SNX30: variants seen among roughly 807,000 people sequenced by gnomAD.
SNX30 encodes the protein sorting nexin-30.
In SNX30, 24 loss-of-function variants were observed where a neutral mutation model predicts 46.4. The observed-to-expected ratio is 0.52, with a 90% CI of 0.37 to 0.73. The LOEUF (loss-of-function observed/expected upper bound fraction) is 0.73, where lower values mean the gene tolerates loss of function less well. Ranked by LOEUF, SNX30 falls within the 30% of genes least tolerant of loss-of-function variation. The pLI is 0.00. For synonymous variants in SNX30, 189 were observed against 211.5 expected, an observed-to-expected ratio of 0.89 and a Z score of 0.92; for missense variants, 533 against 555.7, an observed-to-expected ratio of 0.96 and a Z score of 0.41.
chr9:112,830,016 A>G (rs528593520), intron 3 of SNX30, among the ~76,000 whole-genome samples: 138 of 152,322 alleles, frequency 9.1e-4, no homozygotes, highest in African/African-American at 2.8e-3. Flanking sequence ...GGTAGTAATA[A>G]TGAAGAAGGC....
chr9:112,766,065 G>T (rs111658462), intron 1 of SNX30, among the ~76,000 whole-genome samples: 3 of 152,268 alleles, frequency 2.0e-5, no homozygotes, highest in African/African-American at 7.2e-5. Flanking sequence ...GCCTCCCAAA[G>T]TGCTGGGATT....
chr9:112,777,459 C>T (rs1203610665), intron 1 of SNX30, among the ~76,000 whole-genome samples: 1 of 151,934 alleles, frequency 6.6e-6, no homozygotes, highest in African/African-American at 2.4e-5. Flanking sequence ...CAGAGTCTTG[C>T]TCTGTTGCTC....
At chr9:112,786,340 C>T (rs140309650) in intron 1 of SNX30, among the ~76,000 whole-genome samples, 2,398 of 152,040 alleles carry the variant, frequency 0.016, 71 homozygotes, top group African/African-American at 0.055. Context: ...AGGCTGGTCT[C>T]GAACTCCTGG....
At chr9:112,850,549 T>A (rs9299212) in intron 6 of SNX30, among the ~76,000 whole-genome samples, 17 of 152,168 alleles carry the variant, frequency 1.1e-4, no homozygotes, top group Admixed American at 3.3e-4. Flanking sequence ...CGGAGAGTCC[T>A]CCCAGCAGCG....
chr9:112,884,599 C>G (rs1448376832), downstream of SNX30, among the ~76,000 whole-genome samples: 1 of 152,196 alleles, frequency 6.6e-6, no homozygotes, highest in Non-Finnish European at 1.5e-5. Flanking sequence ...GTCAGAATCT[C>G]TGGTGGGTGG....
intron 5 of SNX30, chr9:112,880,499 C>A: frequency 6.5e-6 from 1 of 154,356 alleles, no homozygotes; most frequent in Middle Eastern, 5.6e-4. Flanking sequence ...TCTCCCTGTC[C>A]CATGATTTCA....
At chr9:112,774,412 G>T (rs1424005290) in intron 1 of SNX30, among the ~76,000 whole-genome samples, 1 of 152,208 alleles carries the variant, frequency 6.6e-6, no homozygotes, top group East Asian at 1.9e-4. Flanking sequence ...AAAAAGGATT[G>T]CAAGGAGGAC....
At chr9:112,817,399 GGCTTTTTTT>G in intron 2 of SNX30, among the ~76,000 whole-genome samples, 1 of 46,910 alleles carries the variant, frequency 2.1e-5, no homozygotes, top group African/African-American at 1.4e-4. Flanking sequence ...AAAAAAAACT[GGCTTTTTTT>G]TTTTTTTTTT....
chr9:112,749,992 G>A (rs1839238844), upstream of SNX30, among the ~76,000 whole-genome samples: 1 of 152,220 alleles, frequency 6.6e-6, no homozygotes, highest in Non-Finnish European at 1.5e-5. Flanking sequence ...TTGACTATTT[G>A]CACCACGCCA....
Position 112,830,332 on chromosome 9 carries a change from A to G in SNX30, c.460-393A>G, listed in dbSNP as rs1051394717. On this transcript the variant is annotated intron_variant, in intron 3 of 8. Coordinates refer to ENST00000374232, the MANE Select transcript of SNX30 (RefSeq NM_001012994.2). The stretch of plus-strand genomic sequence containing the variant: ...GCAGAATCTTAAAATATTTAAATAA[A>G]TTTTTATGTGGTTGATGCCTGCCTG... 1.7e-4 allele frequency among the ~76,000 whole-genome samples: 26 copies of G among 151,848 alleles called. 1 individual carries two copies. The highest frequency in any genetic ancestry group is 4.8e-4 in the African/African-American group (20 of 41,334).
At chr9:112,795,765 T>TCTCTCACACACA (rs34877094) in intron 1 of SNX30, among the ~76,000 whole-genome samples, 7 of 123,222 alleles carry the variant, frequency 5.7e-5, no homozygotes, top group South Asian at 2.9e-4. Flanking sequence ...CACAGTACAG[T>TCTCTCACACACA]CACACACACA....
chr9:112,790,816 T>C (rs1323603717), intron 1 of SNX30, among the ~76,000 whole-genome samples: 1 of 152,222 alleles, frequency 6.6e-6, no homozygotes, highest in Non-Finnish European at 1.5e-5. Context: ...CTCCCTATTA[T>C]GTATATTACA....
intron 1 of SNX30, among the ~76,000 whole-genome samples, chr9:112,788,607 A>G (rs1402746244): frequency 6.6e-6 from 1 of 152,172 alleles, no homozygotes; most frequent in African/African-American, 2.4e-5. Flanking sequence ...TGTTACGTAT[A>G]AGACTTTTCC....
chr9:112,781,496 A>G (rs993359469), intron 1 of SNX30, among the ~76,000 whole-genome samples: 1 of 152,216 alleles, frequency 6.6e-6, no homozygotes, highest in East Asian at 1.9e-4. Context: ...AAGCCTTTCC[A>G]ACCACAGGAT....
chr9:112,811,116 C>T (rs1840312059), intron 2 of SNX30, among the ~76,000 whole-genome samples: 2 of 152,156 alleles, frequency 1.3e-5, no homozygotes, highest in South Asian at 4.2e-4. Context: ...CTGAGAGGAA[C>T]GAGATAAGTG....
intron 6 of SNX30, among the ~76,000 whole-genome samples, chr9:112,839,871 G>A (rs372346925): frequency 7.2e-5 from 11 of 152,260 alleles, no homozygotes; most frequent in African/African-American, 1.9e-4. Flanking sequence ...CAGAAAGATC[G>A]TAGATCCAGG....
intron 6 of SNX30, among the ~76,000 whole-genome samples, chr9:112,841,299 A>G (rs542422334): frequency 3.3e-5 from 5 of 152,238 alleles, no homozygotes; most frequent in Non-Finnish European, 5.9e-5. Flanking sequence ...TCATATAGCA[A>G]GGATTTATCT....
rs1021502687 is a variant in SNX30 at position 112,784,589 on chromosome 9, T to G, written c.157-20187T>G. On this transcript the variant is annotated intron_variant, in intron 1 of 8. Coordinates refer to ENST00000374232, the MANE Select transcript of SNX30 (RefSeq NM_001012994.2). The stretch of plus-strand genomic sequence containing the variant: ...TGTGGTGTTCCGTGCCAGGAACACC[T>G]TTCTCTTCCATTGAACAGCTCTGCA... 1.3e-5 allele frequency among the ~76,000 whole-genome samples: 2 copies of G among 152,314 alleles called. 1 individual carries two copies. The highest frequency in any genetic ancestry group is 4.1e-4 in the South Asian group (2 of 4,830).
intron 6 of SNX30, among the ~76,000 whole-genome samples, chr9:112,846,551 C>T (rs1412060039): frequency 6.6e-6 from 1 of 152,170 alleles, no homozygotes; most frequent in Non-Finnish European, 1.5e-5. Flanking sequence ...AGGAAAGTGC[C>T]CTTCTAGAGG....
Sources: gnomAD v4.1 joint callset for allele counts (sites outside exome capture counted in the v4.1 genomes callset) on GRCh38, gnomAD v4.1.1 for gene constraint, MANE v1.5 for transcripts, NCBI Gene and HGNC (gene_info 2026-07-23, HGNC 2026-07-21) for gene names.